The following SLCO3A1 variants were observed in gnomAD, a reference collection of about 807,000 sequenced individuals.
The protein encoded by SLCO3A1 is solute carrier organic anion transporter family member 3A1, also known as PGE1 transporter.
SLCO3A1 carries 27 observed loss-of-function variants against 63.1 expected under a neutral mutation model. That is an observed-to-expected ratio of 0.43 (90% CI 0.32 to 0.59). The LOEUF is 0.59. Ranked by LOEUF, SLCO3A1 falls within the 20% of genes least tolerant of loss-of-function variation. SLCO3A1 has a pLI of 0.09. For synonymous variants in SLCO3A1, 473 were observed against 409.9 expected, an observed-to-expected ratio of 1.15 and a Z score of -1.86; for missense variants, 773 against 945.8, an observed-to-expected ratio of 0.82 and a Z score of 2.40.
intron 2 of SLCO3A1, among the ~76,000 whole-genome samples, chr15:91,929,846 A>G (rs1016208867): frequency 6.6e-6 from 1 of 152,170 alleles, no homozygotes; most frequent in Non-Finnish European, 1.5e-5. Flanking sequence ...AGGTTCATCC[A>G]TGTTGCAGCA....
chr15:91,933,833 G>A (rs2151392151), intron 2 of SLCO3A1, among the ~76,000 whole-genome samples: 1 of 152,316 alleles, frequency 6.6e-6, no homozygotes, highest in East Asian at 1.9e-4. Flanking sequence ...GTTGTCTGCT[G>A]TTAAATGCCA....
intron 2 of SLCO3A1, among the ~76,000 whole-genome samples, chr15:92,002,654 G>C (rs780351091): frequency 6.6e-6 from 1 of 152,160 alleles, no homozygotes; most frequent in East Asian, 1.9e-4. Context: ...TTATGGTAAA[G>C]ATATTCTCCG....
At chr15:91,949,433 C>T (rs1271806013) in intron 2 of SLCO3A1, among the ~76,000 whole-genome samples, 1 of 152,060 alleles carries the variant, frequency 6.6e-6, no homozygotes, top group East Asian at 1.9e-4. Flanking sequence ...AGTTTGAGAC[C>T]AGCCTGGTCA....
chr15:92,078,554 C>G (rs912667640), intron 2 of SLCO3A1, among the ~76,000 whole-genome samples: 4 of 152,212 alleles, frequency 2.6e-5, no homozygotes, highest in Admixed American at 2.6e-4. Context: ...TACTGTCTGC[C>G]TCACATCTTG....
chr15:92,072,931 A>C (rs998047752), intron 2 of SLCO3A1, among the ~76,000 whole-genome samples: 1 of 152,122 alleles, frequency 6.6e-6, no homozygotes, highest in African/African-American at 2.4e-5. Flanking sequence ...GAGGATCGTC[A>C]TTCAACCCAG....
In SLCO3A1 at chr15:91,894,390, T is replaced by G. The variant is rs1358288492; in HGVS notation, c.181-21603T>G. On this transcript the variant is annotated intron_variant, in intron 1 of 9. Transcript: ENST00000318445. The surrounding 1 kb of genome is among the most constrained non-coding windows in gnomAD (Gnocchi z 4.8). The stretch of plus-strand genomic sequence containing the variant: ...ATATCTAATTGCCATGTAGTGTGCA[T>G]GGACAATGGGGAGAGGCATGGCAGG... 1.3e-5 allele frequency among the ~76,000 whole-genome samples: 2 copies of G among 151,994 alleles called. No homozygotes were observed. Among genetic ancestry groups the G allele is most frequent in the African/African-American group, 4.8e-5 (2 of 41,362 alleles).
At chr15:92,119,433 A>G (rs2047834609) in intron 4 of SLCO3A1, among the ~76,000 whole-genome samples, 2 of 152,154 alleles carry the variant, frequency 1.3e-5, no homozygotes. Flanking sequence ...TTTGCCCATC[A>G]CCAGCTTTCA....
chr15:92,051,701 G>C (rs527539819), intron 2 of SLCO3A1, among the ~76,000 whole-genome samples: 2 of 152,120 alleles, frequency 1.3e-5, no homozygotes, highest in African/African-American at 2.4e-5. Flanking sequence ...GTGTGTGCTA[G>C]GTTCGTGCTT....
chr15:92,035,515 G>A (rs2046714662), intron 2 of SLCO3A1, among the ~76,000 whole-genome samples: 1 of 151,808 alleles, frequency 6.6e-6, no homozygotes, highest in Non-Finnish European at 1.5e-5. Flanking sequence ...GAACCAGGCT[G>A]TGGGCTGCCT....
chr15:92,163,447 A>C lies in SLCO3A1; in HGVS notation c.*312A>C, dbSNP rs2048465426. On this transcript the variant is annotated 3_prime_UTR_variant, in exon 10 of 10. Transcript: ENST00000318445. ...CAGCTGCAAGCAACAGGCACTGCCA[A>C]ATTCAGGGAACAGTGGTGGCCAGCT... 2 of 1,054,774 alleles carry C rather than the reference A, an allele frequency of 1.9e-6. No individual in the cohort carries two copies. The highest frequency in any genetic ancestry group is 1.4e-4 in the East Asian group (2 of 14,370). The allele number at this position is 1,054,774 out of a possible 1,614,324, so 65.3% of individuals were successfully genotyped here.
intron 7 of SLCO3A1, among the ~76,000 whole-genome samples, chr15:92,130,624 C>T (rs953061436): frequency 5.9e-5 from 9 of 152,260 alleles, no homozygotes; most frequent in Non-Finnish European, 1.0e-4. Context: ...AAACTTGCAG[C>T]AGCAGCAGCA....
chr15:92,142,316 C>T (rs1038601447), intron 7 of SLCO3A1, among the ~76,000 whole-genome samples: 4 of 152,198 alleles, frequency 2.6e-5, no homozygotes, highest in African/African-American at 7.2e-5. Context: ...ATAAACAACA[C>T]ATTTATCGCA....
At chr15:91,937,614 G>A (rs971402786) in intron 2 of SLCO3A1, among the ~76,000 whole-genome samples, 2 of 151,962 alleles carry the variant, frequency 1.3e-5, no homozygotes, top group African/African-American at 4.8e-5. Context: ...AGCTACTTGG[G>A]GGGCTGAGGC....
At chr15:91,930,996 G>C (rs973328123) in intron 2 of SLCO3A1, among the ~76,000 whole-genome samples, 1 of 152,196 alleles carries the variant, frequency 6.6e-6, no homozygotes, top group Admixed American at 6.5e-5. Flanking sequence ...GTTTGAAACA[G>C]GAAGGGCAAA....
At chr15:92,171,823 A>G in exon 11 of SLCO3A1, 2 of 1,551,646 alleles carry the variant, frequency 1.3e-6, no homozygotes, top group Non-Finnish European at 1.7e-6. Context: ...CCTGCCCCGA[A>G]TCACATTCAC....
intron 2 of SLCO3A1, among the ~76,000 whole-genome samples, chr15:92,035,360 G>GA (rs2046712347): frequency 6.6e-6 from 1 of 151,810 alleles, no homozygotes; most frequent in East Asian, 1.9e-4. Flanking sequence ...TGTGTTTGCT[G>GA]AAAATCCCTG....
chr15:92,171,959 C>G, exon 11 of SLCO3A1: 1 of 875,708 alleles, frequency 1.1e-6, no homozygotes, highest in Non-Finnish European at 1.9e-6. Context: ...TCCGAGAACC[C>G]GAGGGTCCCC....
intron 2 of SLCO3A1, among the ~76,000 whole-genome samples, chr15:92,007,915 G>C (rs111848923): frequency 6.6e-5 from 10 of 152,130 alleles, no homozygotes; most frequent in African/African-American, 2.2e-4. Flanking sequence ...ATTTTTGGAA[G>C]CATCTCTTTT....
chr15:91,994,454 T>A (rs1836050814), intron 2 of SLCO3A1, among the ~76,000 whole-genome samples: 1 of 152,250 alleles, frequency 6.6e-6, no homozygotes, highest in Non-Finnish European at 1.5e-5. Flanking sequence ...GTCTACCCCT[T>A]AGCAGAATCT....
Sources: gnomAD v4.1 joint callset for allele counts (sites outside exome capture counted in the v4.1 genomes callset) on GRCh38, gnomAD v4.1.1 for gene constraint, Gnocchi (gnomAD v3.1) non-coding constraint, MANE v1.5 for transcripts, NCBI Gene and HGNC (gene_info 2026-07-23, HGNC 2026-07-21) for gene names.